NIPAL1: variants seen among roughly 807,000 people sequenced by gnomAD.
The protein encoded by NIPAL1 is magnesium transporter NIPA3.
In NIPAL1, 35 loss-of-function variants were observed where a neutral mutation model predicts 37.7. That is an observed-to-expected ratio of 0.93 (90% CI 0.71 to 1.23). NIPAL1 has a LOEUF of 1.23. Among genes scored for constraint, NIPAL1 ranks in the 50% most tolerant of loss-of-function variants. The probability of loss-of-function intolerance (pLI) is 0.00; values close to 1 mark genes in which losing one functional copy is unlikely to be tolerated. For synonymous variants in NIPAL1, 162 were observed against 183.0 expected, an observed-to-expected ratio of 0.89 and a Z score of 0.93; for missense variants, 412 against 473.9, an observed-to-expected ratio of 0.87 and a Z score of 1.21.
Position 48,035,010 on chromosome 4 carries a change from G to T in NIPAL1, c.591G>T (p.Leu197Phe). 1 of 1,613,946 alleles carries T rather than the reference G, an allele frequency of 6.2e-7. No individual in the cohort carries two copies. The highest frequency in any genetic ancestry group is 8.5e-7 in the Non-Finnish European group (1 of 1,179,886). ...CACAAGAAGAGGAAGTCACATCTTT[G>T]CATGAAATGGAAATGAAATTGAGAG... ...HAPQEEEVTS[L>F]HEMEMKLRDP... is the part of the protein sequence containing the mutation. The change falls in exon 5 of 6, where the codon TTG (leucine) becomes TTT (phenylalanine). Residue 197 changes from leucine to phenylalanine, a missense_variant. Leu to Phe is a conservative substitution (Grantham distance 22, BLOSUM62 0). Transcript: ENST00000295461.
chr4:48,016,974 A>AG (rs1715430185), intron 1 of NIPAL1, 89 bp downstream of exon 1: 2 of 1,112,396 alleles, frequency 1.8e-6, no homozygotes, highest in Admixed American at 2.1e-5. Context: ...GAGACTGGAA[A>AG]GGGGGGCTGT....
At chr4:48,022,853 T>C (rs982587895) in intron 1 of NIPAL1, among the ~76,000 whole-genome samples, 6 of 151,538 alleles carry the variant, frequency 4.0e-5, no homozygotes, top group Non-Finnish European at 8.8e-5. Context: ...TTGGGCATGG[T>C]GGTGCATGCC....
chr4:48,020,583 T>G (rs1715549624), intron 1 of NIPAL1, among the ~76,000 whole-genome samples: 1 of 152,202 alleles, frequency 6.6e-6, no homozygotes, highest in Non-Finnish European at 1.5e-5. Context: ...ATCTGCTCCA[T>G]GTGTCTTCAT....
Position 48,035,855 on chromosome 4 carries a change from G to C in NIPAL1, c.916G>C (p.Val306Leu), listed in dbSNP as rs762404538. 4 of 1,614,034 alleles carry C rather than the reference G, an allele frequency of 2.5e-6. No individual in the cohort carries two copies. In the South Asian group the frequency reaches 4.4e-5, roughly 18 times the overall value. The change falls in exon 6 of 6, where the codon GTG becomes CTG. Residue 306 changes from valine to leucine, a missense_variant. Physicochemically the swap from Val to Leu is conservative, Grantham distance 32 (BLOSUM62 1). Transcript: ENST00000295461. Reference protein sequence around the residue: ...KALDTFNTSLVTPIYYVFFTS... With the variant: ...KALDTFNTSLLTPIYYVFFTS... ...ACTGGACACCTTTAATACCTCTCTT[G>C]TGACACCCATTTATTATGTATTCTT...
chr4:48,023,189 G>T (rs55658926), intron 1 of NIPAL1, among the ~76,000 whole-genome samples: 14,800 of 151,940 alleles, frequency 0.097, 931 homozygotes, highest in East Asian at 0.24. Context: ...GGATTACAAG[G>T]GTGAGCCACC....
chr4:48,024,761 G>C (rs1326165936), intron 1 of NIPAL1, among the ~76,000 whole-genome samples: 3 of 152,160 alleles, frequency 2.0e-5, no homozygotes, highest in African/African-American at 7.2e-5. Flanking sequence ...GCTCCATCAA[G>C]TTGCTGATTC....
chr4:48,028,793 G>A (rs35085584), intron 2 of NIPAL1, among the ~76,000 whole-genome samples: 30,567 of 151,932 alleles, frequency 0.2, 3,115 homozygotes, highest in Middle Eastern at 0.26. Flanking sequence ...ACATGCAAGC[G>A]ACCAACATAT....
At position 48,016,774 on chromosome 4, in the gene NIPAL1, G is replaced by T; in HGVS notation, c.-66G>T. The T allele has an allele frequency of 6.8e-7, 1 of 1,470,258 alleles. No homozygotes were observed. The highest frequency in any genetic ancestry group is 1.2e-5 in the South Asian group (1 of 82,516). 91.1% of individuals were successfully genotyped at this position (1,470,258 alleles called of 1,614,324 possible). ...CAGACCCCGCAGCCCCGCCCGCCGC[G>T]GGTGCGTGTGGAGAGGCCCAGGTGA... On this transcript the variant is annotated 5_prime_UTR_variant, in exon 1 of 6. Coordinates refer to ENST00000295461, the MANE Select transcript of NIPAL1 (RefSeq NM_207330.3).
intron 2 of NIPAL1, among the ~76,000 whole-genome samples, chr4:48,028,798 A>C (rs1413736640): frequency 3.3e-5 from 5 of 152,156 alleles, no homozygotes; most frequent in Non-Finnish European, 7.4e-5. Context: ...CAAGCGACCA[A>C]CATATATATG....
rs1184061091 is a variant in NIPAL1, at chr4:48,038,589, C to G, written c.*2417C>G. 3.9e-5 allele frequency: 6 copies of G among 152,146 alleles called. No homozygotes were observed. Among genetic ancestry groups the G allele is most frequent in the African/African-American group, 1.4e-4 (6 of 41,426 alleles). 9.4% of individuals were successfully genotyped at this position (152,146 alleles called of 1,614,324 possible). A position where few individuals can be genotyped will look rare whatever the true frequency, so the allele number is the denominator to read the frequency against. Reference sequence around the variant, plus strand: ...TGCCACTGCATTCCAGCCTGGGTGACAAGAGTGAGACCCTGACCCAAAAAA... The same window carrying G: ...TGCCACTGCATTCCAGCCTGGGTGAGAAGAGTGAGACCCTGACCCAAAAAA... On this transcript the variant is annotated 3_prime_UTR_variant, in exon 6 of 6. Coordinates refer to ENST00000295461, the MANE Select transcript of NIPAL1 (RefSeq NM_207330.3).
intron 1 of NIPAL1, among the ~76,000 whole-genome samples, chr4:48,018,940 G>A (rs1212278512): frequency 6.6e-6 from 1 of 152,240 alleles, no homozygotes; most frequent in African/African-American, 2.4e-5. Context: ...CAAATGACAA[G>A]GGGTCAGTCA....
Position 48,034,959 on chromosome 4 carries a change from G to A in NIPAL1, c.540G>A (p.Gly180=), listed in dbSNP as rs757076134. The A allele has an allele frequency of 2.5e-6, 4 of 1,612,616 alleles. No individual in the cohort carries two copies. Among genetic ancestry groups the A allele is most frequent in the African/African-American group, 2.7e-5 (2 of 75,008 alleles). The change falls in exon 5 of 6, where the codon GGG becomes GGA. Residue 180 remains glycine (G), a synonymous_variant. Coordinates refer to ENST00000295461, the MANE Select transcript of NIPAL1 (RefSeq NM_207330.3). ...GKIGCILSIL[G]STVMVIHAPQ... ...TAGGCTGCATATTAAGTATATTGGGGTCAACTGTGATGGTTATCCATGCCC... is the reference window on the plus strand; with the variant it reads ...TAGGCTGCATATTAAGTATATTGGGATCAACTGTGATGGTTATCCATGCCC...
intron 1 of NIPAL1, among the ~76,000 whole-genome samples, chr4:48,021,500 TATC>T (rs1216506214): frequency 2.6e-5 from 4 of 152,318 alleles, no homozygotes; most frequent in Admixed American, 2.6e-4. Flanking sequence ...ATTGTTCAGT[TATC>T]ATCAATTTCA....
chr4:48,033,642 T>C (rs1715866970), intron 4 of NIPAL1, among the ~76,000 whole-genome samples: 1 of 152,244 alleles, frequency 6.6e-6, no homozygotes, highest in South Asian at 2.1e-4. Flanking sequence ...ATACTTCTGT[T>C]TGGAGACCCT....
chr4:48,031,496 C>G (rs562607203), intron 3 of NIPAL1, among the ~76,000 whole-genome samples: 4 of 152,288 alleles, frequency 2.6e-5, no homozygotes, highest in African/African-American at 9.6e-5. Flanking sequence ...TCCCCACCCT[C>G]TACCCATACT....
rs758686902 is a variant in NIPAL1 at position 48,035,616 on chromosome 4, T to C, written c.677T>C (p.Ile226Thr). ...ITVISLVLIL[I>T]VAPKKGQTNI... is the part of the protein sequence containing the mutation. ...GTGATCTCCTTGGTGCTGATTTTGATTGTGGCTCCCAAGAAAGGACAGACC... is the reference window on the plus strand; with the variant it reads ...GTGATCTCCTTGGTGCTGATTTTGACTGTGGCTCCCAAGAAAGGACAGACC... Residue 226 changes from isoleucine (I) to threonine (T), a missense_variant, in exon 6 of 6, where the codon ATT becomes ACT. Transcript: ENST00000295461. 1.4e-5 allele frequency: 22 copies of C among 1,613,388 alleles called. No homozygotes were observed. The East Asian group carries it at 1.6e-4, about 11-fold the overall frequency.
intron 1 of NIPAL1, among the ~76,000 whole-genome samples, 161 bp downstream of exon 1, chr4:48,017,046 G>T (rs1476659269): frequency 6.6e-6 from 1 of 152,232 alleles, no homozygotes; most frequent in Non-Finnish European, 1.5e-5. Flanking sequence ...GTCCAGCCAG[G>T]CGTTCAACAC....
intron 4 of NIPAL1, among the ~76,000 whole-genome samples, chr4:48,033,339 G>C (rs1715861427): frequency 2.0e-5 from 3 of 152,110 alleles, no homozygotes; most frequent in Non-Finnish European, 4.4e-5. Context: ...AAAATAACTT[G>C]AGAAGACTAT....
In NIPAL1 at chr4:48,038,904, T is replaced by A. The variant is rs1263514640; in HGVS notation, c.*2732T>A. On this transcript the variant is annotated 3_prime_UTR_variant, in exon 6 of 6. Transcript: ENST00000295461. ...CCCTGGACAGGAAATTGAACTGATG[T>A]TGACATGTATGCATGCCCAGGAGGA... 10 of 152,184 alleles carry A rather than the reference T, an allele frequency of 6.6e-5. No homozygotes were observed. The highest frequency in any genetic ancestry group is 1.3e-4 in the Non-Finnish European group (9 of 68,036). The allele number at this position is 152,184 out of a possible 1,614,324, so 9.4% of individuals were successfully genotyped here.
Sources: allele counts gnomAD v4.1 joint callset (sites outside exome capture counted in the v4.1 genomes callset), GRCh38; gene constraint gnomAD v4.1.1; transcripts MANE v1.5; gene names NCBI Gene and HGNC (gene_info 2026-07-23, HGNC 2026-07-21).